Variants in SPOCK1 observed in about 807,000 individuals in gnomAD.
The protein encoded by SPOCK1 is testican-1.
SPOCK1 carries 23 observed loss-of-function variants against 55.3 expected under a neutral mutation model. The observed-to-expected ratio is 0.42, with a 90% CI of 0.30 to 0.59. The LOEUF (loss-of-function observed/expected upper bound fraction) is 0.59. Ranked by LOEUF, SPOCK1 falls within the 20% of genes least tolerant of loss-of-function variation. SPOCK1 has a pLI of 0.22. For missense variants in SPOCK1, 499 were observed against 552.5 expected (o/e 0.90, Z 0.97); for synonymous variants, 226 against 221.0 (o/e 1.02, Z -0.20).
At chr5:136,981,375 C>T (rs1455059843) in intron 9 of SPOCK1, among the ~76,000 whole-genome samples, 6 of 152,128 alleles carry the variant, frequency 3.9e-5, no homozygotes, top group Admixed American at 6.5e-5. Context: ...TCACTGTTGT[C>T]TGCTTTCATC....
At chr5:137,249,093 C>T (rs1387215484) in intron 3 of SPOCK1, among the ~76,000 whole-genome samples, 5 of 152,104 alleles carry the variant, frequency 3.3e-5, no homozygotes, top group Non-Finnish European at 4.4e-5. Context: ...CAACTGGAAG[C>T]GTTAAAGGAG....
intron 2 of SPOCK1, among the ~76,000 whole-genome samples, chr5:137,332,598 G>T (rs1368487421): frequency 2.6e-5 from 4 of 152,242 alleles, no homozygotes; most frequent in African/African-American, 9.6e-5. Flanking sequence ...GGAGGAGGGG[G>T]ATGTGCCACG....
intron 2 of SPOCK1, among the ~76,000 whole-genome samples, chr5:137,267,911 C>T (rs745827666): frequency 1.3e-5 from 2 of 152,226 alleles, no homozygotes; most frequent in Non-Finnish European, 2.9e-5. Flanking sequence ...TGCACATTAT[C>T]CTCATAGCAT....
intron 2 of SPOCK1, among the ~76,000 whole-genome samples, chr5:137,356,838 T>TATATATATATATAG (rs1554077335): frequency 1.8e-4 from 1 of 5,458 alleles, no homozygotes; most frequent in Non-Finnish European, 3.1e-4. Context: ...TATATATATA[T>TATATATATATATAG]AGAGAGAGAG....
chr5:137,074,546 C>T (rs1039091416), intron 5 of SPOCK1, among the ~76,000 whole-genome samples: 5 of 152,166 alleles, frequency 3.3e-5, no homozygotes, highest in Non-Finnish European at 5.9e-5. Flanking sequence ...GACTGAGTTT[C>T]GCTCTTATTG....
intron 6 of SPOCK1, among the ~76,000 whole-genome samples, chr5:137,043,422 T>C (rs1752038650): frequency 6.6e-6 from 1 of 152,242 alleles, no homozygotes; most frequent in Admixed American, 6.5e-5. Flanking sequence ...GAACATTAAA[T>C]ACCTACTCTT....
intron 3 of SPOCK1, among the ~76,000 whole-genome samples, chr5:137,204,448 T>G (rs1382334714): frequency 6.6e-6 from 1 of 152,120 alleles, no homozygotes; most frequent in Non-Finnish European, 1.5e-5. Context: ...TCAGTTGGTT[T>G]CTAGGACCCT....
intron 2 of SPOCK1, among the ~76,000 whole-genome samples, chr5:137,488,630 C>T (rs1399110339): frequency 2.0e-5 from 3 of 152,138 alleles, no homozygotes; most frequent in Admixed American, 6.5e-5. Flanking sequence ...ATTTGCACGG[C>T]GGGACAGACG....
At chr5:137,363,544 G>C (rs150772932) in intron 2 of SPOCK1, among the ~76,000 whole-genome samples, 186 of 152,256 alleles carry the variant, frequency 1.2e-3, no homozygotes, top group Non-Finnish European at 2.0e-3. Context: ...TTGGGTAAAT[G>C]ACCAACCTGC....
intron 2 of SPOCK1, among the ~76,000 whole-genome samples, chr5:137,332,431 AC>A (rs1045382351): frequency 9.9e-5 from 15 of 152,018 alleles, no homozygotes; most frequent in Non-Finnish European, 5.9e-5. Context: ...TGCGCTCTGC[AC>A]CCAGCCCCCA....
chr5:137,121,580 TTATTA>T (rs1181959496), intron 4 of SPOCK1, among the ~76,000 whole-genome samples: 1 of 147,480 alleles, frequency 6.8e-6, no homozygotes, highest in Non-Finnish European at 1.5e-5. Context: ...ATAATTTGTA[TTATTA>T]TATATTATAT....
At chr5:137,177,078 C>T (rs766714496) in intron 3 of SPOCK1, among the ~76,000 whole-genome samples, 14 of 152,068 alleles carry the variant, frequency 9.2e-5, no homozygotes, top group South Asian at 8.3e-4. Context: ...TCCCTAGACA[C>T]GAAAGGAATT....
At chr5:137,020,000 G>A (rs1751535562) in intron 6 of SPOCK1, among the ~76,000 whole-genome samples, 1 of 151,874 alleles carries the variant, frequency 6.6e-6, no homozygotes. Flanking sequence ...GCTCTGACAA[G>A]TAAAGTATGC....
At chr5:137,139,212 A>G (rs150542499) in intron 4 of SPOCK1, among the ~76,000 whole-genome samples, 2 of 152,306 alleles carry the variant, frequency 1.3e-5, no homozygotes, top group African/African-American at 4.8e-5. Flanking sequence ...TGATTATTTT[A>G]AAAACAACCT....
intron 6 of SPOCK1, among the ~76,000 whole-genome samples, chr5:137,044,245 G>A (rs1301826575): frequency 6.6e-6 from 1 of 152,122 alleles, no homozygotes; most frequent in Non-Finnish European, 1.5e-5. Flanking sequence ...TTAGAAGGAT[G>A]GTGTGTGCAA....
At chr5:137,272,206 C>T (rs1450925632) in intron 2 of SPOCK1, among the ~76,000 whole-genome samples, 2 of 152,158 alleles carry the variant, frequency 1.3e-5, no homozygotes, top group Non-Finnish European at 1.5e-5. Flanking sequence ...GGACTGTAGC[C>T]AAACTGCTCT....
chr5:137,452,663 C>G (rs1437681967), intron 2 of SPOCK1, among the ~76,000 whole-genome samples: 2 of 152,094 alleles, frequency 1.3e-5, no homozygotes, highest in African/African-American at 4.8e-5. Flanking sequence ...AAAACAAATC[C>G]CAAAGCATAG....
At chr5:136,997,739 C>T (rs1453450001) in intron 6 of SPOCK1, among the ~76,000 whole-genome samples, 1 of 152,198 alleles carries the variant, frequency 6.6e-6, no homozygotes, top group African/African-American at 2.4e-5. Flanking sequence ...TCTTAGAGGA[C>T]TTCCCTAATC....
chr5:137,135,200 G>C (rs911775451), intron 4 of SPOCK1, among the ~76,000 whole-genome samples: 1 of 152,154 alleles, frequency 6.6e-6, no homozygotes, highest in Non-Finnish European at 1.5e-5. Context: ...AATGTGGCTT[G>C]TCTGGAAGGC....
Sources: gnomAD v4.1 joint callset for allele counts (sites outside exome capture counted in the v4.1 genomes callset) on GRCh38, gnomAD v4.1.1 for gene constraint, MANE v1.5 for transcripts, NCBI Gene and HGNC (gene_info 2026-07-23, HGNC 2026-07-21) for gene names.